Variants in TYK2 observed in about 807,000 individuals in gnomAD.
TYK2 encodes the protein non-receptor tyrosine-protein kinase TYK2.
In TYK2, 65 loss-of-function variants were observed where a neutral mutation model predicts 130.9. The ratio of observed to expected loss-of-function variants is 0.50; its 90% CI spans 0.41 to 0.61. The LOEUF is 0.61. Ranked by LOEUF, TYK2 falls within the 20% of genes least tolerant of loss-of-function variation. The probability of loss-of-function intolerance (pLI) is 0.00; values close to 1 mark genes in which losing one functional copy is unlikely to be tolerated. For missense variants in TYK2, 1,378 were observed against 1,610.7 expected (o/e 0.86, Z 2.47); for synonymous variants, 647 against 658.9 (o/e 0.98, Z 0.28).
intron 3 of TYK2, among the ~76,000 whole-genome samples, chr19:10,370,429 G>A (rs987739300): frequency 1.3e-5 from 2 of 151,380 alleles, no homozygotes; most frequent in Non-Finnish European, 2.9e-5. Flanking sequence ...CAGGACAATC[G>A]CTTGAACCCG....
intron 5 of TYK2, 29 bp downstream of exon 5, chr19:10,368,026 T>C (rs749735751): frequency 6.2e-6 from 10 of 1,613,300 alleles, no homozygotes; most frequent in Non-Finnish European, 8.5e-6. Context: ...CTCCCACAAA[T>C]AGTCTTGCCA....
chr19:10,355,370 T>G (rs2041040486), intron 18 of TYK2, among the ~76,000 whole-genome samples: 1 of 152,208 alleles, frequency 6.6e-6, no homozygotes, highest in African/African-American at 2.4e-5. Flanking sequence ...CCGGGCGTGG[T>G]GGCTCACGCC....
At position 10,362,200 on chromosome 19, in the gene TYK2, T is replaced by C. The variant is rs534465521; in HGVS notation, c.1670-19A>G. ...GAGGTTTCTGGGGGCAGGCATCAAG[T>C]CATGGAGGGCGGGCCTGGGGGAGAG... is the stretch of plus-strand genomic sequence containing the variant. On this transcript the variant is annotated intron_variant, in intron 11 of 24. Coordinates refer to ENST00000525621, the MANE Select transcript of TYK2 (RefSeq NM_003331.5). The C allele has an allele frequency of 7.1e-4, 1,148 of 1,613,726 alleles. 8 individuals are homozygous for C. In the South Asian group the frequency reaches 0.012, roughly 17 times the overall value.
In TYK2 at chr19:10,366,780, C is replaced by T. The variant is rs565717033; in HGVS notation, c.466-200G>A. On this transcript the variant is annotated intron_variant, in intron 5 of 24. Transcript: ENST00000525621. ...ATATCGCAAGCCGGGCATGGTGGCT[C>T]ACGCCTATAATCCCAGCACTTTGGG... 6.0e-5 allele frequency among the ~76,000 whole-genome samples: 9 copies of T among 151,074 alleles called. No individual in the cohort carries two copies. The South Asian group carries it at 1.9e-3, about 32-fold the overall frequency.
In TYK2 at chr19:10,356,589, G is replaced by A. The variant is rs2041113288; in HGVS notation, c.2596C>T (p.Leu866Phe). The A allele has an allele frequency of 6.2e-7, 1 of 1,613,558 alleles. No individual in the cohort carries two copies. The highest frequency in any genetic ancestry group is 8.5e-7 in the Non-Finnish European group (1 of 1,180,004). Residue 866 changes from leucine to phenylalanine, a missense_variant, in exon 18 of 25, where the codon CTC becomes TTC. Coordinates refer to ENST00000525621, the MANE Select transcript of TYK2 (RefSeq NM_003331.5). The part of the protein sequence containing the change: ...RPSFRTILRD[L>F]TRLQPHNLAD... ...TCACTGTGGGGCTGCAGCCGGGTGA[G>A]GTCACGCAGGATGGTGCGGAATGAT...
chr19:10,375,291 A>G (rs1046458891), intron 3 of TYK2, among the ~76,000 whole-genome samples: 1 of 152,088 alleles, frequency 6.6e-6, no homozygotes, highest in Non-Finnish European at 1.5e-5. Context: ...GAGTTTCTGG[A>G]GGAAGGTATA....
At position 10,354,610 on chromosome 19, in the gene TYK2, C is replaced by G; in HGVS notation, c.2618-1G>C. ...TTCACAGTCAAGACGTCAGCAAGAT[C>G]TGGAAGAGTTGCGGTGGGTAAAGGC... On this transcript the variant is annotated splice_acceptor_variant, in intron 18 of 24. Transcript: ENST00000525621. LOFTEE classifies it high-confidence loss of function. 6.2e-7 allele frequency: 1 copy of G among 1,613,746 alleles called. No homozygotes were observed. Among genetic ancestry groups the G allele is most frequent in the Non-Finnish European group, 8.5e-7 (1 of 1,179,788 alleles).
chr19:10,377,324 GTGGATGGATGGATGGATGGA>G (rs59020787), intron 3 of TYK2, among the ~76,000 whole-genome samples: 35 of 135,588 alleles, frequency 2.6e-4, no homozygotes, highest in East Asian at 1.7e-3. Flanking sequence ...GAATGAACGG[GTGGATGGATGGATGGATGGA>G]TGGATGGATG....
chr19:10,353,718 G>A lies in TYK2; in HGVS notation c.2909-72C>T. On this transcript the variant is annotated intron_variant, in intron 20 of 24. Transcript: ENST00000525621. The surrounding 1 kb of genome is among the most constrained non-coding windows in gnomAD (Gnocchi z 6.9). ...CCGGGGACCGCCTACCTTGAGCCCA[G>A]CAGAGCCCCTCCAAGGTCGGGAGGG... is the stretch of plus-strand genomic sequence containing the variant. The A allele has an allele frequency of 8.3e-7, 1 of 1,202,930 alleles. No homozygotes were observed. Among genetic ancestry groups the A allele is most frequent in the African/African-American group, 1.5e-5 (1 of 66,078 alleles). 74.5% of individuals were successfully genotyped at this position (1,202,930 alleles called of 1,614,324 possible). A position where few individuals can be genotyped will look rare whatever the true frequency, so the allele number is the denominator to read the frequency against.
intron 22 of TYK2, 106 bp downstream of exon 22, chr19:10,352,820 G>A (rs1017543514): frequency 7.1e-6 from 10 of 1,407,844 alleles, no homozygotes; most frequent in Non-Finnish European, 8.6e-6. Flanking sequence ...GCCCCGCCGC[G>A]CTTCACTGGG....
At position 10,368,269 on chromosome 19, in the gene TYK2, C is replaced by T. The variant is rs6511696; in HGVS notation, c.317+26G>A. The stretch of plus-strand genomic sequence containing the variant: ...AGACCAGCTTCAGCACAGGAGGGGA[C>T]GAGCTTTGCAAAGGTCTCCACCCAC... On this transcript the variant is annotated intron_variant, in intron 4 of 24. Transcript: ENST00000525621. The T allele has an allele frequency of 0.08, 129,263 of 1,613,988 alleles. 5,613 individuals carry two copies. The highest frequency in any genetic ancestry group is 0.14 in the Middle Eastern group (850 of 6,062).
intron 3 of TYK2, 119 bp downstream of exon 3, chr19:10,378,093 GAT>G: frequency 1.0e-6 from 1 of 992,656 alleles, no homozygotes; most frequent in Admixed American, 2.1e-5. Context: ...TGGATGGATG[GAT>G]GGATGAGTGG....
Position 10,365,596 on chromosome 19 carries a change from G to A in TYK2, c.932C>T (p.Pro311Leu), listed in dbSNP as rs1191624543. 2.5e-6 allele frequency: 4 copies of A among 1,614,110 alleles called. No homozygotes were observed. In the Admixed American group the frequency reaches 6.7e-5, roughly 27 times the overall value. Residue 311 changes from proline to leucine, a missense_variant, in exon 7 of 25, where the codon CCC becomes CTC. By Grantham distance (98) the Pro-to-Leu change is moderately conservative. Coordinates refer to ENST00000525621, the MANE Select transcript of TYK2 (RefSeq NM_003331.5). ...TGTCACCAGCACCTCGTGGGTTGGG[G>A]GCCCAGCAGCAGACTCAGGGCCAGG... Reference protein sequence around the residue: ...TDPGPESAAGPPTHEVLVTGT... With the variant: ...TDPGPESAAGLPTHEVLVTGT...
In TYK2 at chr19:10,361,911, G is replaced by A. The variant is rs775040926; in HGVS notation, c.1818C>T (p.Gly606=). 5 of 1,614,076 alleles carry A rather than the reference G, an allele frequency of 3.1e-6. No individual in the cohort carries two copies. The highest frequency in any genetic ancestry group is 3.4e-6 in the Non-Finnish European group (4 of 1,180,010). ...CCCCGCTGCCCTCCACTCGCAGGCG[G>A]CCCTCATACACGTTGGTCCTTGTGC... is the stretch of plus-strand genomic sequence containing the variant. The part of the protein sequence containing the change: ...GQGTRTNVYE[G]RLRVEGSGDP... Residue 606 remains glycine, a synonymous_variant, in exon 13 of 25, where the codon GGC becomes GGT. Coordinates refer to ENST00000525621, the MANE Select transcript of TYK2 (RefSeq NM_003331.5). This position sits in a 1 kb window ranked among gnomAD's most constrained non-coding sequence, Gnocchi z 4.0.
At chr19:10,368,527 C>G in intron 3 of TYK2, 109 bp from the exon 4 acceptor site, 1 of 1,525,580 alleles carries the variant, frequency 6.6e-7, no homozygotes, top group East Asian at 2.3e-5. Context: ...GGCCCCCTCC[C>G]CCACCTGCAG....
At chr19:10,378,662 CT>C (rs1317054996) in intron 2 of TYK2, among the ~76,000 whole-genome samples, 1 of 152,160 alleles carries the variant, frequency 6.6e-6, no homozygotes, top group Non-Finnish European at 1.5e-5. Flanking sequence ...ACCCTCCTCT[CT>C]TTCCACAAAT....
intron 3 of TYK2, among the ~76,000 whole-genome samples, chr19:10,371,506 G>T (rs1189627616): frequency 6.6e-6 from 1 of 152,012 alleles, no homozygotes; most frequent in Non-Finnish European, 1.5e-5. Context: ...TGGGCGTGGT[G>T]GCGCATGCCT....
rs2040750355 is a variant in TYK2, at chr19:10,350,560, T to C, written c.*274A>G. The stretch of plus-strand genomic sequence containing the variant: ...GAGAAAACATGAGTTTATTACCAGA[T>C]GGTGGAGATGGTGGGCCTCAAGTTT... On this transcript the variant is annotated 3_prime_UTR_variant, in exon 25 of 25. Transcript: ENST00000525621. 1 of 501,118 alleles carries C rather than the reference T, an allele frequency of 2.0e-6. No individual in the cohort carries two copies. The highest frequency in any genetic ancestry group is 3.6e-6 in the Non-Finnish European group (1 of 275,258). The allele number at this position is 501,118 out of a possible 1,614,324, so 31.0% of individuals were successfully genotyped here.
At position 10,362,256 on chromosome 19, in the gene TYK2, C is replaced by T. The variant is rs971373029; in HGVS notation, c.1669+8G>A. On this transcript the variant is annotated splice_region_variant and intron_variant, in intron 11 of 24. Transcript: ENST00000525621. Reference sequence around the variant, plus strand: ...ACATCCCACCCAGAGGTCCCCCTATCATCGTACCTCCTGGTTGGGGCAGGC... The same window carrying T: ...ACATCCCACCCAGAGGTCCCCCTATTATCGTACCTCCTGGTTGGGGCAGGC... The T allele has an allele frequency of 9.3e-6, 15 of 1,613,524 alleles. No individual in the cohort carries two copies. In the Admixed American group the frequency reaches 1.2e-4, roughly 13 times the overall value.
Sources: allele counts gnomAD v4.1 joint callset (sites outside exome capture counted in the v4.1 genomes callset), GRCh38; gene constraint gnomAD v4.1.1; non-coding constraint Gnocchi (gnomAD v3.1); transcripts MANE v1.5; gene names NCBI Gene and HGNC (gene_info 2026-07-23, HGNC 2026-07-21).